The following SV2C variants were observed in gnomAD, a reference collection of about 807,000 sequenced individuals.
SV2C encodes the protein synaptic vesicle glycoprotein 2C.
Under a neutral mutation model 79.7 loss-of-function variants are expected in SV2C, and 49 were observed. The observed-to-expected ratio is 0.61, with a 90% CI of 0.49 to 0.78. SV2C has a LOEUF of 0.78. Among genes scored for constraint, SV2C ranks in the 30% least tolerant of loss-of-function variants. The pLI, the probability that SV2C is intolerant of heterozygous loss-of-function variation, is 0.00. For synonymous variants in SV2C, 334 were observed against 333.2 expected (o/e 1.00, Z -0.03); for missense variants, 833 against 912.9 (o/e 0.91, Z 1.13).
At chr5:76,301,288 T>A in intron 11 of SV2C, 98 bp from the exon 12 acceptor site, 2 of 1,502,320 alleles carry the variant, frequency 1.3e-6, no homozygotes, top group Non-Finnish European at 1.8e-6. Context: ...AGCTTCCACT[T>A]AGAATTCAGT....
intron 12 of SV2C, among the ~76,000 whole-genome samples, chr5:76,321,767 A>G (rs1340916480): frequency 2.0e-5 from 3 of 151,504 alleles, no homozygotes; most frequent in Non-Finnish European, 2.9e-5. Context: ...AAAAAAATTA[A>G]GTTTTCTGCC....
At chr5:75,940,628 T>G in the SV2C span, among the ~76,000 whole-genome samples, 3 of 152,196 alleles carry the variant, frequency 2.0e-5, no homozygotes, top group South Asian at 4.1e-4. Context: ...GTGTGTTTCT[T>G]ACTCCAGAGT....
rs145539666 is a variant in SV2C at position 76,124,401 on chromosome 5, A to G, written c.-101-7249A>G. Among the ~76,000 whole-genome samples, 212 of 152,310 alleles carry G rather than the reference A, an allele frequency of 1.4e-3. 1 individual carries two copies. Among genetic ancestry groups the G allele is most frequent in the Middle Eastern group, 3.4e-3 (1 of 294 alleles). ...GTGGCTGGCTTATTTCATTTAGCATAGTATCCTCAAGATTCACCCATATTA... is the reference window on the plus strand; with the variant it reads ...GTGGCTGGCTTATTTCATTTAGCATGGTATCCTCAAGATTCACCCATATTA... On this transcript the variant is annotated intron_variant, in intron 1 of 12. Transcript: ENST00000502798.
chr5:75,997,596 A>G, the SV2C span, among the ~76,000 whole-genome samples: 3 of 152,354 alleles, frequency 2.0e-5, no homozygotes, highest in East Asian at 1.9e-4. Context: ...AAAAATGCTC[A>G]TCATCACTGG....
chr5:76,225,946 C>G (rs1268656531), intron 4 of SV2C, among the ~76,000 whole-genome samples: 1 of 152,150 alleles, frequency 6.6e-6, no homozygotes, highest in Non-Finnish European at 1.5e-5. Flanking sequence ...TGCTTCTAGG[C>G]TAAGGTTGGA....
chr5:75,936,175 G>A, the SV2C span, among the ~76,000 whole-genome samples: 1 of 152,136 alleles, frequency 6.6e-6, no homozygotes, highest in African/African-American at 2.4e-5. Flanking sequence ...AAGGGAGTAG[G>A]GAAGTTCAAA....
At chr5:76,104,748 T>C (rs976342882) in intron 1 of SV2C, among the ~76,000 whole-genome samples, 1 of 152,164 alleles carries the variant, frequency 6.6e-6, no homozygotes, top group African/African-American at 2.4e-5. Flanking sequence ...GCTCTGCCAA[T>C]AGGAGACACT....
chr5:75,908,473 A>G, the SV2C span, among the ~76,000 whole-genome samples: 5 of 152,200 alleles, frequency 3.3e-5, no homozygotes, highest in African/African-American at 4.8e-5. Flanking sequence ...AGTCAGGGAC[A>G]TTTGGATTGT....
At chr5:76,132,820 T>C (rs1748948438) in intron 2 of SV2C, among the ~76,000 whole-genome samples, 1 of 152,132 alleles carries the variant, frequency 6.6e-6, no homozygotes, top group Admixed American at 6.6e-5. Context: ...CTGATAACTT[T>C]AATTTTTTCT....
intron 2 of SV2C, among the ~76,000 whole-genome samples, chr5:76,165,392 G>C (rs2112257931): frequency 6.6e-6 from 1 of 152,152 alleles, no homozygotes; most frequent in Admixed American, 6.5e-5. Flanking sequence ...TATAGTTCTA[G>C]GAAGTTTTAT....
the SV2C span, among the ~76,000 whole-genome samples, chr5:75,847,641 A>T: frequency 6.6e-6 from 1 of 152,226 alleles, no homozygotes. Flanking sequence ...TTCACAGCTG[A>T]TAACAAAGTT....
Position 76,131,756 on chromosome 5 carries a change from A to G in SV2C, c.6A>G (p.Glu2=), listed in dbSNP as rs772235253. The stretch of plus-strand genomic sequence containing the variant: ...TGGCCATCAGTTGAGATAAGATGGA[A>G]GACTCTTACAAGGATAGGACTTCAC... M[E]DSYKDRTSLM... Residue 2 remains glutamate (E), a synonymous_variant, in exon 2 of 13, where the codon GAA becomes GAG. Transcript: ENST00000502798. The G allele has an allele frequency of 6.3e-7, 1 of 1,597,790 alleles. No individual in the cohort carries two copies. Among genetic ancestry groups the G allele is most frequent in the Non-Finnish European group, 8.5e-7 (1 of 1,170,308 alleles).
chr5:76,281,583 A>G (rs1353757934), intron 4 of SV2C, among the ~76,000 whole-genome samples: 1 of 152,192 alleles, frequency 6.6e-6, no homozygotes, highest in South Asian at 2.1e-4. Context: ...TTGTTATCTG[A>G]CAGTTCTAGA....
chr5:76,188,320 C>T (rs550141324), intron 2 of SV2C, among the ~76,000 whole-genome samples: 1 of 152,242 alleles, frequency 6.6e-6, no homozygotes, highest in South Asian at 2.1e-4. Context: ...CAGTACTAAG[C>T]ACTTTATCTC....
chr5:75,970,030 C>T, the SV2C span, among the ~76,000 whole-genome samples: 21 of 152,008 alleles, frequency 1.4e-4, no homozygotes, highest in East Asian at 1.5e-3. Flanking sequence ...CACTCAAAAC[C>T]GCTCATCTAC....
chr5:76,073,371 G>C, the SV2C span, among the ~76,000 whole-genome samples: 10 of 151,424 alleles, frequency 6.6e-5, no homozygotes, highest in African/African-American at 2.2e-4. Context: ...TTATGTATTT[G>C]TTTGCTTTGT....
intron 4 of SV2C, among the ~76,000 whole-genome samples, chr5:76,268,885 C>T (rs1443069201): frequency 6.6e-6 from 1 of 152,156 alleles, no homozygotes; most frequent in African/African-American, 2.4e-5. Flanking sequence ...TTCAAAAGAG[C>T]TTATAATTGC....
At chr5:76,314,497 T>G (rs1251308170) in intron 12 of SV2C, among the ~76,000 whole-genome samples, 3 of 152,216 alleles carry the variant, frequency 2.0e-5, no homozygotes, top group Non-Finnish European at 4.4e-5. Flanking sequence ...GTGCAGTCAC[T>G]GCCAGAAAAA....
At chr5:76,172,779 T>G (rs1743356909) in intron 2 of SV2C, among the ~76,000 whole-genome samples, 1 of 79,932 alleles carries the variant, frequency 1.3e-5, no homozygotes, top group Admixed American at 1.4e-4. Context: ...ACATGTGCTG[T>G]GTCCACTCAG....
Sources: gnomAD v4.1 joint callset for allele counts (sites outside exome capture counted in the v4.1 genomes callset) on GRCh38, gnomAD v4.1.1 for gene constraint, MANE v1.5 for transcripts, NCBI Gene and HGNC (gene_info 2026-07-23, HGNC 2026-07-21) for gene names.